The following DSCAM variants were observed in gnomAD, a reference collection of about 807,000 sequenced individuals.
DSCAM encodes DS cell adhesion molecule.
DSCAM carries 47 observed loss-of-function variants against 217.7 expected under a neutral mutation model. The observed-to-expected ratio is 0.22, with a 90% CI of 0.17 to 0.28. DSCAM has a LOEUF of 0.28. DSCAM is among the 10% of genes least tolerant of loss of function. The pLI is 1.00. For missense variants in DSCAM, 2,080 were observed against 2,618.3 expected, an observed-to-expected ratio of 0.79 and a Z score of 4.49; for synonymous variants, 1,056 against 1,015.3, an observed-to-expected ratio of 1.04 and a Z score of -0.76.
chr21:40,637,899 G>T (rs1173054374), intron 3 of DSCAM, among the ~76,000 whole-genome samples: 1 of 151,562 alleles, frequency 6.6e-6, no homozygotes, highest in Non-Finnish European at 1.5e-5. Flanking sequence ...GGTCAGGCAG[G>T]TCTTGAACTC....
intron 3 of DSCAM, among the ~76,000 whole-genome samples, chr21:40,533,533 C>CCAAA (rs2076466921): frequency 7.0e-6 from 1 of 141,860 alleles, no homozygotes. Flanking sequence ...ATCTGTCCAT[C>CCAAA]CATCCATCCA....
chr21:40,398,194 G>T (rs1467440256), intron 3 of DSCAM, among the ~76,000 whole-genome samples: 1 of 152,196 alleles, frequency 6.6e-6, no homozygotes, highest in Non-Finnish European at 1.5e-5. Context: ...ACTCTTAGGG[G>T]ACATGTCACT....
chr21:40,189,054 A>G lies in DSCAM; in HGVS notation c.2541T>C (p.Ile847=). 6.2e-7 allele frequency: 1 copy of G among 1,614,146 alleles called. No individual in the cohort carries two copies. The part of the protein sequence containing the change: ...VSTKEVGEEV[I]STLQILPTVR... ...GCCATGCTTTTACCTGCAGAGTAGA[A>G]ATCACCTCTTCTCCCACCTCCTTGG... Residue 847 remains isoleucine (I), a synonymous_variant, in exon 12 of 33, where the codon ATT becomes ATC. Coordinates refer to ENST00000400454, the MANE Select transcript of DSCAM (RefSeq NM_001389.5).
intron 3 of DSCAM, among the ~76,000 whole-genome samples, chr21:40,405,624 TAA>T (rs1279096627): frequency 2.0e-5 from 3 of 152,116 alleles, no homozygotes; most frequent in Non-Finnish European, 4.4e-5. Context: ...CCAAAATACA[TAA>T]GAGACTCAAT....
intron 1 of DSCAM, among the ~76,000 whole-genome samples, chr21:40,834,250 T>C (rs902920195): frequency 1.3e-5 from 2 of 151,206 alleles, no homozygotes; most frequent in African/African-American, 2.4e-5. Context: ...CTACTAAAAA[T>C]ACAAAAATTA....
At chr21:40,629,043 G>T (rs947005791) in intron 3 of DSCAM, among the ~76,000 whole-genome samples, 4 of 151,282 alleles carry the variant, frequency 2.6e-5, no homozygotes, top group Non-Finnish European at 5.9e-5. Flanking sequence ...CTATCTTTTT[G>T]TGTGTGTATG....
chr21:40,535,235 T>C (rs1339337578), intron 3 of DSCAM, among the ~76,000 whole-genome samples: 3 of 152,216 alleles, frequency 2.0e-5, no homozygotes, highest in African/African-American at 4.8e-5. Flanking sequence ...CAGTGCTTCA[T>C]GTGAATAAGC....
chr21:40,199,333 C>A (rs977933077), intron 11 of DSCAM, among the ~76,000 whole-genome samples: 1 of 152,270 alleles, frequency 6.6e-6, no homozygotes, highest in East Asian at 1.9e-4. Flanking sequence ...AGATCTCATT[C>A]TTTTTTATGG....
chr21:40,144,876 C>A lies in DSCAM; in HGVS notation c.3019-145G>T. The stretch of plus-strand genomic sequence containing the variant: ...CGGTGGTCCGGTAGCAGCCGCAAAC[C>A]CACGTACAGTGCAACTTGGTCTGTG... On this transcript the variant is annotated intron_variant, in intron 16 of 32. Coordinates refer to ENST00000400454, the MANE Select transcript of DSCAM (RefSeq NM_001389.5). This position sits in a 1 kb window ranked among gnomAD's most constrained non-coding sequence, Gnocchi z 4.8. The A allele has an allele frequency of 8.5e-7, 1 of 1,171,870 alleles. No homozygotes were observed. Among genetic ancestry groups the A allele is most frequent in the South Asian group, 1.5e-5 (1 of 67,894 alleles). The allele number at this position is 1,171,870 out of a possible 1,614,324, so 72.6% of individuals were successfully genotyped here. A position where few individuals can be genotyped will look rare whatever the true frequency, so the allele number is the denominator to read the frequency against.
chr21:40,262,052 GCTTT>G (rs917648677), intron 11 of DSCAM, among the ~76,000 whole-genome samples: 177 of 150,538 alleles, frequency 1.2e-3, no homozygotes, highest in African/African-American at 3.8e-3. Context: ...TCTCCCTCTC[GCTTT>G]CTTTCTTTCT....
At chr21:40,367,944 T>C (rs773259665) in intron 4 of DSCAM, among the ~76,000 whole-genome samples, 1 of 152,120 alleles carries the variant, frequency 6.6e-6, no homozygotes, top group Non-Finnish European at 1.5e-5. Flanking sequence ...AAACAAAAAA[T>C]GAACAAACAT....
intron 2 of DSCAM, among the ~76,000 whole-genome samples, chr21:40,701,852 T>C (rs1222110105): frequency 6.6e-6 from 1 of 152,160 alleles, no homozygotes; most frequent in Non-Finnish European, 1.5e-5. Context: ...CTGAGTATGG[T>C]CTATATTAGT....
intron 29 of DSCAM, among the ~76,000 whole-genome samples, chr21:40,053,835 A>G (rs1182773318): frequency 6.6e-6 from 1 of 152,218 alleles, no homozygotes; most frequent in Non-Finnish European, 1.5e-5. Flanking sequence ...TTGGAAGGCC[A>G]TAGACCACTC....
At chr21:40,437,912 A>C (rs937813205) in intron 3 of DSCAM, among the ~76,000 whole-genome samples, 1 of 152,230 alleles carries the variant, frequency 6.6e-6, no homozygotes, top group African/African-American at 2.4e-5. Flanking sequence ...CAGGCCCTTG[A>C]GGCCAAGCTC....
chr21:40,605,486 A>T (rs969727203), intron 3 of DSCAM, among the ~76,000 whole-genome samples: 2 of 152,214 alleles, frequency 1.3e-5, no homozygotes, highest in Non-Finnish European at 2.9e-5. Flanking sequence ...CAAATGATAA[A>T]TATTTTTGGC....
chr21:40,431,737 T>C (rs73359165), intron 3 of DSCAM, among the ~76,000 whole-genome samples: 3,068 of 152,306 alleles, frequency 0.02, 77 homozygotes, highest in African/African-American at 0.065. Flanking sequence ...GGCTACTATA[T>C]TGAAGTTTTG....
At chr21:40,742,432 C>T (rs2091133113) in intron 1 of DSCAM, among the ~76,000 whole-genome samples, 1 of 152,134 alleles carries the variant, frequency 6.6e-6, no homozygotes, top group South Asian at 2.1e-4. Flanking sequence ...GCTGGAGAAG[C>T]CAAGGGAATG....
intron 3 of DSCAM, among the ~76,000 whole-genome samples, chr21:40,377,769 T>C (rs998225347): frequency 2.0e-5 from 3 of 151,842 alleles, no homozygotes; most frequent in Admixed American, 6.6e-5. Flanking sequence ...AGAGGAGGCA[T>C]GGAGGACACA....
intron 1 of DSCAM, among the ~76,000 whole-genome samples, chr21:40,779,672 G>C (rs934432752): frequency 6.6e-6 from 1 of 152,166 alleles, no homozygotes; most frequent in African/African-American, 2.4e-5. Flanking sequence ...TGAGTTGATG[G>C]GAGGTGACTT....
Sources: gnomAD v4.1 joint callset for allele counts (sites outside exome capture counted in the v4.1 genomes callset) on GRCh38, gnomAD v4.1.1 for gene constraint, Gnocchi (gnomAD v3.1) non-coding constraint, MANE v1.5 for transcripts, NCBI Gene and HGNC (gene_info 2026-07-23, HGNC 2026-07-21) for gene names.